Variants in CNTN5 observed in about 807,000 individuals in gnomAD.
CNTN5 encodes contactin-5.
CNTN5 carries 77 observed loss-of-function variants against 129.1 expected under a neutral mutation model. That is an observed-to-expected ratio of 0.60 (90% CI 0.50 to 0.72). The LOEUF (loss-of-function observed/expected upper bound fraction) is 0.72, where lower values mean the gene tolerates loss of function less well. CNTN5 is among the 30% of genes least tolerant of loss of function. The pLI, the probability that CNTN5 is intolerant of heterozygous loss-of-function variation, is 0.00. For synonymous variants in CNTN5, 509 were observed against 465.6 expected (o/e 1.09, Z -1.20); for missense variants, 1,478 against 1,328.8 (o/e 1.11, Z -1.75).
At chr11:99,370,262 A>G (rs1347308041) in intron 2 of CNTN5, among the ~76,000 whole-genome samples, 6 of 152,174 alleles carry the variant, frequency 3.9e-5, no homozygotes, top group Admixed American at 3.9e-4. Flanking sequence ...TTATCTTTGG[A>G]TTAATTTTCT....
At chr11:100,098,879 T>A (rs1283963308) in intron 13 of CNTN5, among the ~76,000 whole-genome samples, 1 of 152,044 alleles carries the variant, frequency 6.6e-6, no homozygotes, top group African/African-American at 2.4e-5. Context: ...GCCGGACTTG[T>A]TCACCCGGTG....
At chr11:99,288,587 G>T (rs1421744257) in intron 1 of CNTN5, among the ~76,000 whole-genome samples, 1 of 151,664 alleles carries the variant, frequency 6.6e-6, no homozygotes, top group Admixed American at 6.6e-5. Context: ...TAATCACCAT[G>T]GATGATGACT....
intron 1 of CNTN5, among the ~76,000 whole-genome samples, chr11:99,057,304 G>T (rs1050759418): frequency 6.6e-6 from 1 of 151,850 alleles, no homozygotes; most frequent in South Asian, 2.1e-4. Flanking sequence ...TATAAAGTTC[G>T]TATCTAACCA....
At chr11:100,046,304 C>G (rs924586671) in intron 9 of CNTN5, among the ~76,000 whole-genome samples, 1 of 152,074 alleles carries the variant, frequency 6.6e-6, no homozygotes, top group Non-Finnish European at 1.5e-5. Flanking sequence ...TAAAACAGTA[C>G]CAAGAGTAAC....
chr11:99,090,679 C>T (rs1246063120), intron 1 of CNTN5, among the ~76,000 whole-genome samples: 3 of 139,210 alleles, frequency 2.2e-5, no homozygotes. Context: ...CAAAGTACTT[C>T]ATACTGTCAG....
chr11:99,945,085 A>G (rs1950524942), intron 7 of CNTN5, among the ~76,000 whole-genome samples: 1 of 152,108 alleles, frequency 6.6e-6, no homozygotes, highest in Non-Finnish European at 1.5e-5. Context: ...TGGTTAAGAA[A>G]GAGATGGGTA....
chr11:99,835,750 C>G (rs1034083069), intron 4 of CNTN5, among the ~76,000 whole-genome samples: 1 of 152,180 alleles, frequency 6.6e-6, no homozygotes, highest in Non-Finnish European at 1.5e-5. Flanking sequence ...AACTGGAGCA[C>G]TATAACTGGT....
intron 1 of CNTN5, among the ~76,000 whole-genome samples, chr11:99,080,100 C>T (rs1386436521): frequency 6.6e-6 from 1 of 151,990 alleles, no homozygotes; most frequent in Non-Finnish European, 1.5e-5. Context: ...CAAAATTAAA[C>T]ATGATTTTAT....
At chr11:99,042,909 T>C (rs1864062350) in intron 1 of CNTN5, among the ~76,000 whole-genome samples, 1 of 152,078 alleles carries the variant, frequency 6.6e-6, no homozygotes, top group African/African-American at 2.4e-5. Context: ...ACTGCAATCC[T>C]TCTCATACAT....
At chr11:100,121,198 G>A (rs535616874) in intron 13 of CNTN5, among the ~76,000 whole-genome samples, 7 of 152,062 alleles carry the variant, frequency 4.6e-5, no homozygotes, top group African/African-American at 1.7e-4. Flanking sequence ...CAGGAGAGGG[G>A]AGAAGAGGAA....
chr11:100,221,203 A>G (rs1949258115), intron 15 of CNTN5, among the ~76,000 whole-genome samples: 1 of 152,220 alleles, frequency 6.6e-6, no homozygotes, highest in African/African-American at 2.4e-5. Flanking sequence ...CTGCAACAGA[A>G]CAAAAAAGCT....
At chr11:99,750,756 T>C (rs970551820) in intron 3 of CNTN5, among the ~76,000 whole-genome samples, 4 of 152,174 alleles carry the variant, frequency 2.6e-5, no homozygotes, top group African/African-American at 4.8e-5. Flanking sequence ...GAACAATATC[T>C]TTCTAAACAT....
chr11:100,030,032 C>G (rs985227558), intron 9 of CNTN5, among the ~76,000 whole-genome samples: 2 of 152,122 alleles, frequency 1.3e-5, no homozygotes, highest in African/African-American at 4.8e-5. Context: ...GTTCTGTGCT[C>G]TACTTTGAAC....
intron 2 of CNTN5, among the ~76,000 whole-genome samples, chr11:99,498,858 C>A (rs757299596): frequency 6.6e-6 from 1 of 152,136 alleles, no homozygotes; most frequent in Non-Finnish European, 1.5e-5. Flanking sequence ...AAAACCATTG[C>A]AGCCATTTTT....
chr11:100,026,599 T>C (rs960070349), intron 9 of CNTN5, among the ~76,000 whole-genome samples: 2 of 152,192 alleles, frequency 1.3e-5, no homozygotes, highest in Non-Finnish European at 2.9e-5. Context: ...TAGTGTTTCA[T>C]TGTTATTTTA....
intron 6 of CNTN5, among the ~76,000 whole-genome samples, chr11:99,907,457 A>G (rs1270529784): frequency 4.6e-5 from 7 of 151,996 alleles, no homozygotes; most frequent in African/African-American, 1.7e-4. Flanking sequence ...GAACAAAACT[A>G]TGTTGTCCAG....
chr11:99,891,519 C>A (rs548452459), intron 6 of CNTN5, among the ~76,000 whole-genome samples: 5 of 151,930 alleles, frequency 3.3e-5, no homozygotes, highest in Non-Finnish European at 7.4e-5. Flanking sequence ...TGTAATGTTC[C>A]CCTCTCTGTG....
chr11:99,629,943 A>G (rs572334825), intron 3 of CNTN5, among the ~76,000 whole-genome samples: 15 of 151,974 alleles, frequency 9.9e-5, no homozygotes, highest in Admixed American at 9.8e-4. Context: ...TTATTATTAA[A>G]TAAAAACATT....
At chr11:100,283,380 G>A (rs1950684936) in intron 18 of CNTN5, among the ~76,000 whole-genome samples, 2 of 152,248 alleles carry the variant, frequency 1.3e-5, no homozygotes, top group South Asian at 4.1e-4. Context: ...TCTGCAAGCT[G>A]TGCAGCCTGG....
Sources: gnomAD v4.1 joint callset for allele counts (sites outside exome capture counted in the v4.1 genomes callset) on GRCh38, gnomAD v4.1.1 for gene constraint, MANE v1.5 for transcripts, NCBI Gene and HGNC (gene_info 2026-07-23, HGNC 2026-07-21) for gene names.